The following NPFFR2 variants were observed in gnomAD, a reference collection of about 807,000 sequenced individuals.
NPFFR2 encodes neuropeptide FF receptor 2.
Under a neutral mutation model 13.1 loss-of-function variants are expected in NPFFR2, and 15 were observed. The observed-to-expected ratio is 1.15, with a 90% CI of 0.77 to 1.76. NPFFR2 has a LOEUF of 1.76. Among genes scored for constraint, NPFFR2 ranks in the 40% most tolerant of loss-of-function variants. NPFFR2 has a pLI of 0.00. For missense variants in NPFFR2, 572 were observed against 503.5 expected (o/e 1.14, Z -1.30); for synonymous variants, 190 against 175.7 (o/e 1.08, Z -0.65).
intron 1 of NPFFR2, among the ~76,000 whole-genome samples, chr4:72,047,711 G>A (rs1224088237): frequency 1.3e-5 from 2 of 152,104 alleles, no homozygotes; most frequent in African/African-American, 4.8e-5. Flanking sequence ...GATCCTAAAT[G>A]AGTAATGAAT....
intron 1 of NPFFR2, among the ~76,000 whole-genome samples, chr4:72,076,001 A>AC (rs1720421532): frequency 6.0e-5 from 1 of 16,602 alleles, no homozygotes; most frequent in African/African-American, 8.8e-5. Flanking sequence ...ACACACACAC[A>AC]CACACAGAGA....
intron 1 of NPFFR2, among the ~76,000 whole-genome samples, chr4:72,089,778 A>G (rs1312605301): frequency 6.6e-6 from 1 of 151,396 alleles, no homozygotes; most frequent in African/African-American, 2.4e-5. Flanking sequence ...TTACCTGTCT[A>G]CTCTGCTGAT....
chr4:72,097,531 C>A (rs1721107019), intron 1 of NPFFR2, among the ~76,000 whole-genome samples: 1 of 152,088 alleles, frequency 6.6e-6, no homozygotes, highest in Non-Finnish European at 1.5e-5. Flanking sequence ...AAAATATGGA[C>A]TTTATAGTAA....
At position 72,032,051 on chromosome 4, in the gene NPFFR2, G is replaced by C. The variant is rs1256519991; in HGVS notation, c.-157G>C. The C allele has an allele frequency of 5.0e-6, 8 of 1,614,106 alleles. No homozygotes were observed. Among genetic ancestry groups the C allele is most frequent in the South Asian group, 1.1e-5 (1 of 91,082 alleles). ...CAGCCTGGAGCGGAAGCCTGGAGTGGAGCAGGCAGTCCGCGGGGGACAGAC... is the reference window on the plus strand; with the variant it reads ...CAGCCTGGAGCGGAAGCCTGGAGTGCAGCAGGCAGTCCGCGGGGGACAGAC... On this transcript the variant is annotated 5_prime_UTR_variant, in exon 1 of 4. Transcript: ENST00000308744.
At chr4:72,068,842 T>TC in intron 1 of NPFFR2, 1 of 314,704 alleles carries the variant, frequency 3.2e-6, no homozygotes, top group Non-Finnish European at 5.4e-6. Flanking sequence ...TTCTTAGTTT[T>TC]TTTTTTTTTT....
chr4:72,144,667 A>G (rs902887915), intron 3 of NPFFR2, among the ~76,000 whole-genome samples: 1 of 152,144 alleles, frequency 6.6e-6, no homozygotes, highest in African/African-American at 2.4e-5. Context: ...CCAGAGCTGA[A>G]CTCATTATTC....
chr4:72,128,639 C>T lies in NPFFR2; in HGVS notation c.48C>T (p.Ile16=), dbSNP rs1346293315. 6.2e-7 allele frequency: 1 copy of T among 1,612,856 alleles called. No individual in the cohort carries two copies. Among genetic ancestry groups the T allele is most frequent in the Non-Finnish European group, 8.5e-7 (1 of 1,179,020 alleles). ...ACTCTTCAGAAAACTGGCATCCCAT[C>T]TGGAATGTCAATGACACAAAGCATC... ...DTNSSENWHP[I]WNVNDTKHHL... is the part of the protein sequence containing the mutation. The change falls in exon 2 of 4, where the codon ATC becomes ATT. Residue 16 remains isoleucine, a synonymous_variant. Transcript: ENST00000308744.
chr4:72,105,759 C>T (rs1014839621), intron 1 of NPFFR2, among the ~76,000 whole-genome samples: 1 of 151,314 alleles, frequency 6.6e-6, no homozygotes, highest in Non-Finnish European at 1.5e-5. Flanking sequence ...TAAATGACAT[C>T]AAGGAAAAAA....
At position 72,133,635 on chromosome 4, in the gene NPFFR2, G is replaced by A. The variant is rs569609402; in HGVS notation, c.329-4405G>A. 7.9e-5 allele frequency among the ~76,000 whole-genome samples: 12 copies of A among 152,142 alleles called. No individual in the cohort carries two copies. The South Asian group carries it at 8.3e-4, about 11-fold the overall frequency. On this transcript the variant is annotated intron_variant, in intron 2 of 3. Coordinates refer to ENST00000308744, the MANE Select transcript of NPFFR2 (RefSeq NM_004885.3). ...TTCATGATATTGATTCTTCCTATCC[G>A]TGGGCATGGAGTGTTTTTCTATTTG...
At chr4:72,139,866 G>A (rs912126966) in intron 3 of NPFFR2, among the ~76,000 whole-genome samples, 2 of 152,104 alleles carry the variant, frequency 1.3e-5, no homozygotes, top group Non-Finnish European at 2.9e-5. Flanking sequence ...TCATTTTCAC[G>A]ATATTGATTC....
chr4:72,040,709 A>G (rs1228945599), intron 1 of NPFFR2, among the ~76,000 whole-genome samples: 1 of 152,028 alleles, frequency 6.6e-6, no homozygotes, highest in Non-Finnish European at 1.5e-5. Flanking sequence ...TTGTCTATAC[A>G]TATTTTAAAT....
chr4:72,072,319 A>G (rs966986151), intron 1 of NPFFR2, among the ~76,000 whole-genome samples: 5 of 152,286 alleles, frequency 3.3e-5, no homozygotes, highest in Admixed American at 3.3e-4. Flanking sequence ...AGACATGAAG[A>G]ATGCCAAGAA....
chr4:72,128,475 C>A (rs1722133794), intron 1 of NPFFR2, 110 bp from the exon 2 acceptor site: 1 of 633,022 alleles, frequency 1.6e-6, no homozygotes, highest in Non-Finnish European at 2.7e-6. Flanking sequence ...TATAGAAAGA[C>A]CACAAAAATT....
intron 2 of NPFFR2, 45 bp downstream of exon 2, chr4:72,128,964 T>C (rs1306904548): frequency 7.0e-7 from 1 of 1,425,446 alleles, no homozygotes; most frequent in African/African-American, 1.4e-5. Flanking sequence ...GAAATATTTG[T>C]CCCATATTTC....
chr4:72,122,040 T>C (rs964314189), intron 1 of NPFFR2, among the ~76,000 whole-genome samples: 1 of 149,282 alleles, frequency 6.7e-6, no homozygotes, highest in South Asian at 2.1e-4. Context: ...AGGCTCAAAA[T>C]AAAGGGATGG....
At chr4:72,084,302 G>T (rs749640396) in intron 1 of NPFFR2, among the ~76,000 whole-genome samples, 24 of 152,136 alleles carry the variant, frequency 1.6e-4, no homozygotes, top group Non-Finnish European at 2.9e-4. Context: ...CTCCACAAAA[G>T]AATAGAAAAC....
At chr4:72,109,658 A>G (rs1319609165) in intron 1 of NPFFR2, among the ~76,000 whole-genome samples, 1 of 148,674 alleles carries the variant, frequency 6.7e-6, no homozygotes, top group Non-Finnish European at 1.5e-5. Context: ...TCTGGTAGTT[A>G]TGTACATGAC....
intron 1 of NPFFR2, among the ~76,000 whole-genome samples, chr4:72,055,082 T>G (rs1719703886): frequency 6.6e-6 from 1 of 151,808 alleles, no homozygotes; most frequent in South Asian, 2.1e-4. Flanking sequence ...TCAATGAATC[T>G]TAAAAAGCAT....
At chr4:72,144,217 G>T (rs996683877) in intron 3 of NPFFR2, among the ~76,000 whole-genome samples, 2 of 152,048 alleles carry the variant, frequency 1.3e-5, no homozygotes, top group African/African-American at 4.8e-5. Flanking sequence ...AGAGAGCTTT[G>T]TCTCTATTGG....
Sources: gnomAD v4.1 joint callset for allele counts (sites outside exome capture counted in the v4.1 genomes callset) on GRCh38, gnomAD v4.1.1 for gene constraint, MANE v1.5 for transcripts, NCBI Gene and HGNC (gene_info 2026-07-23, HGNC 2026-07-21) for gene names.